PCID2: variants seen among roughly 807,000 people sequenced by gnomAD.
PCID2 encodes the protein PCI domain-containing protein 2.
In PCID2, 41 loss-of-function variants were observed where a neutral mutation model predicts 61.3. The observed-to-expected ratio is 0.67, with a 90% CI of 0.52 to 0.87. PCID2 has a LOEUF of 0.87. Among genes scored for constraint, PCID2 ranks in the 40% least tolerant of loss-of-function variants. PCID2 has a pLI of 0.00. For synonymous variants in PCID2, 187 were observed against 177.8 expected (o/e 1.05, Z -0.41); for missense variants, 392 against 493.4 (o/e 0.79, Z 1.95).
intron 9 of PCID2, chr13:113,183,657 C>T (rs1282857095): frequency 2.0e-6 from 1 of 488,688 alleles, no homozygotes; most frequent in African/African-American, 2.1e-5. Context: ...GGACTGTGTG[C>T]TCCACAAACA....
Position 113,200,487 on chromosome 13 carries a change from T to C in PCID2, c.66A>G (p.Gly22=). The C allele has an allele frequency of 6.2e-7, 1 of 1,613,266 alleles. No individual in the cohort carries two copies. The highest frequency in any genetic ancestry group is 8.5e-7 in the Non-Finnish European group (1 of 1,179,228). The change falls in exon 2 of 14, where the codon GGA becomes GGG. Residue 22 remains glycine, a synonymous_variant. Coordinates refer to ENST00000337344, the MANE Select transcript of PCID2 (RefSeq NM_001127202.4). ...QVYEAIDSRD[G]ASCAELVSFK... is the part of the protein sequence containing the mutation. ...AAGACACCAACTCTGCACAAGATGC[T>C]CCATCTCTGCTGTCGATGGCTTCGT...
At chr13:113,178,640 A>C (rs1489712530) in intron 13 of PCID2, among the ~76,000 whole-genome samples, 1 of 152,216 alleles carries the variant, frequency 6.6e-6, no homozygotes, top group African/African-American at 2.4e-5. Flanking sequence ...TTTAAAGTAT[A>C]CAGGAGGACG....
intron 6 of PCID2, among the ~76,000 whole-genome samples, chr13:113,193,548 T>G (rs1373891117): frequency 8.5e-5 from 13 of 152,246 alleles, no homozygotes. Flanking sequence ...TATTTTGTTT[T>G]GGAAATATAG....
downstream of PCID2, among the ~76,000 whole-genome samples, chr13:113,176,946 T>C (rs114241045): frequency 7.2e-3 from 1,099 of 152,286 alleles, 18 homozygotes; most frequent in African/African-American, 0.025. Context: ...TTGCTTAAGC[T>C]GCCTGTGGTA....
chr13:113,201,668 C>T (rs778336221), intron 1 of PCID2, among the ~76,000 whole-genome samples: 3 of 151,648 alleles, frequency 2.0e-5, no homozygotes, highest in African/African-American at 4.8e-5. Context: ...AAAAATTAGC[C>T]GGGTGTGGTG....
intron 3 of PCID2, 131 bp from the exon 4 acceptor site, chr13:113,197,374 A>T: frequency 3.0e-6 from 2 of 672,162 alleles, no homozygotes; most frequent in Middle Eastern, 7.9e-4. Context: ...AAACACACAA[A>T]TGGCTGAACA....
At chr13:113,171,928 G>C in the PCID2 span, 1 of 1,613,790 alleles carries the variant, frequency 6.2e-7, no homozygotes, top group Non-Finnish European at 8.5e-7. This position sits in a 1 kb window ranked among gnomAD's most constrained non-coding sequence, Gnocchi z 5.1. Flanking sequence ...CCTACTGTGA[G>C]AGAAGCAGCG....
chr13:113,197,001 C>T, intron 4 of PCID2, 177 bp downstream of exon 4: 1 of 1,560,046 alleles, frequency 6.4e-7, no homozygotes, highest in Non-Finnish European at 8.8e-7. Flanking sequence ...TCTTCAGATC[C>T]ATGCTAAATT....
intron 7 of PCID2, chr13:113,187,441 T>C (rs1288144556): frequency 6.6e-6 from 1 of 152,212 alleles, no homozygotes; most frequent in Admixed American, 6.5e-5. Flanking sequence ...CCCCTGGCGA[T>C]GTGTACGAGG....
chr13:113,184,599 T>C, intron 8 of PCID2, 112 bp from the exon 9 acceptor site: 3 of 655,534 alleles, frequency 4.6e-6, no homozygotes, highest in Non-Finnish European at 8.1e-6. Context: ...TATTATATCA[T>C]AACAATTATT....
At chr13:113,171,499 C>G in the PCID2 span, 1 of 1,532,632 alleles carries the variant, frequency 6.5e-7, no homozygotes. This position sits in a 1 kb window ranked among gnomAD's most constrained non-coding sequence, Gnocchi z 5.1. Context: ...GGGCCGGTCT[C>G]TCCCTCCTCA....
At chr13:113,188,860 G>A (rs2038354044) in intron 7 of PCID2, among the ~76,000 whole-genome samples, 1 of 152,096 alleles carries the variant, frequency 6.6e-6, no homozygotes, top group African/African-American at 2.4e-5. Flanking sequence ...ACACCCAAAA[G>A]GAAAAGTTCC....
chr13:113,182,456 T>TG (rs2037728266), intron 9 of PCID2, among the ~76,000 whole-genome samples: 1 of 152,208 alleles, frequency 6.6e-6, no homozygotes, highest in African/African-American at 2.4e-5. Context: ...CCTTTGCTAC[T>TG]GCCCAAGGTA....
At chr13:113,196,345 A>G (rs1595234638) in intron 4 of PCID2, 123 bp from the exon 5 acceptor site, 2 of 686,996 alleles carry the variant, frequency 2.9e-6, no homozygotes, top group East Asian at 5.0e-5. Flanking sequence ...ATGTTGCAAC[A>G]ATAGTAAGTT....
intron 1 of PCID2, among the ~76,000 whole-genome samples, chr13:113,205,571 G>A (rs1328005325): frequency 6.6e-6 from 1 of 152,090 alleles, no homozygotes; most frequent in Non-Finnish European, 1.5e-5. Context: ...CAGCACAACA[G>A]CCAAAAAGAG....
chr13:113,202,298 C>A (rs1373154672), intron 1 of PCID2, among the ~76,000 whole-genome samples: 1 of 152,182 alleles, frequency 6.6e-6, no homozygotes, highest in Non-Finnish European at 1.5e-5. Context: ...AGGCTGACAC[C>A]ACCTTCCTGA....
chr13:113,190,947 T>C lies in PCID2; in HGVS notation c.392A>G (p.Lys131Arg). 6.2e-7 allele frequency: 1 copy of C among 1,613,244 alleles called. No individual in the cohort carries two copies. The highest frequency in any genetic ancestry group is 8.5e-7 in the Non-Finnish European group (1 of 1,179,390). Residue 131 changes from lysine (K) to arginine (R), a missense_variant, in exon 7 of 14, where the codon AAA becomes AGA. Physicochemically the swap from Lys to Arg is conservative, Grantham distance 26. Coordinates refer to ENST00000337344, the MANE Select transcript of PCID2 (RefSeq NM_001127202.4). Reference sequence around the variant, plus strand: ...TTCCAACATGTCCCCAACTTTGCTTTTTCCTTTCTTTACCAACTGTTGATC... The same window carrying C: ...TTCCAACATGTCCCCAACTTTGCTTCTTCCTTTCTTTACCAACTGTTGATC... ...NADQQLVKKG[K>R]SKVGDMLEKA...
At chr13:113,198,385 A>T (rs2039174228) in intron 2 of PCID2, 121 bp from the exon 3 acceptor site, 1 of 637,666 alleles carries the variant, frequency 1.6e-6, no homozygotes. Flanking sequence ...TCACAGTAAC[A>T]CTTTATATTT....
In PCID2 at chr13:113,195,057, C is replaced by CAAATTA; in HGVS notation, c.363+8_363+13dup. 1.3e-6 allele frequency: 2 copies of CAAATTA among 1,546,316 alleles called. No individual in the cohort carries two copies. The highest frequency in any genetic ancestry group is 2.2e-5 in the South Asian group (2 of 89,738). ...TTTAGTTTTAAAATAATAATGACAG[C>CAAATTA]AAATTAAACTTACATTATTGGCAAA... On this transcript the variant is annotated intron_variant, in intron 6 of 13. Coordinates refer to ENST00000337344, the MANE Select transcript of PCID2 (RefSeq NM_001127202.4).
Sources: gnomAD v4.1 joint callset for allele counts (sites outside exome capture counted in the v4.1 genomes callset) on GRCh38, gnomAD v4.1.1 for gene constraint, Gnocchi (gnomAD v3.1) non-coding constraint, MANE v1.5 for transcripts, NCBI Gene and HGNC (gene_info 2026-07-23, HGNC 2026-07-21) for gene names.